Variants in EXD1 observed in about 807,000 individuals in gnomAD.
EXD1 encodes piRNA biogenesis protein EXD1.
EXD1 carries 63 observed loss-of-function variants against 49.1 expected under a neutral mutation model. The observed-to-expected ratio is 1.28, with a 90% CI of 1.05 to 1.58. The LOEUF (loss-of-function observed/expected upper bound fraction) is 1.58. Among genes scored for constraint, EXD1 ranks in the 40% most tolerant of loss-of-function variants. The probability of loss-of-function intolerance (pLI) is 0.00; values close to 1 mark genes in which losing one functional copy is unlikely to be tolerated. For synonymous variants in EXD1, 234 were observed against 239.2 expected (o/e 0.98, Z 0.20); for missense variants, 748 against 666.0 (o/e 1.12, Z -1.36).
At chr15:41,186,288 A>G (rs2046406605) in intron 11 of EXD1, among the ~76,000 whole-genome samples, 2 of 152,140 alleles carry the variant, frequency 1.3e-5, no homozygotes, top group African/African-American at 2.4e-5. Context: ...TCTGACCAAC[A>G]TGGCCAAACC....
In EXD1 at chr15:41,226,442, C is replaced by A. The variant is rs2140910073; in HGVS notation, c.133+1G>T. 3 of 1,535,870 alleles carry A rather than the reference C, an allele frequency of 2.0e-6. No individual in the cohort carries two copies. Among genetic ancestry groups the A allele is most frequent in the Non-Finnish European group, 2.6e-6 (3 of 1,146,794 alleles). ...GAACATTATAAGAAATAGAACAAGA[C>A]CTTTCTTCAGGACAACAATCTTATT... is the stretch of plus-strand genomic sequence containing the variant. On this transcript the variant is annotated splice_donor_variant, in intron 2 of 11. Coordinates refer to ENST00000458580, the MANE Select transcript of EXD1 (RefSeq NM_001286441.2). LOFTEE classifies it high-confidence loss of function.
chr15:41,215,730 A>G (rs745494355), intron 6 of EXD1, 45 bp downstream of exon 6: 9 of 1,550,970 alleles, frequency 5.8e-6, no homozygotes, highest in Admixed American at 1.7e-5. Flanking sequence ...CAGACATGAT[A>G]CCTACATACA....
At chr15:41,204,116 C>T (rs937243297) in intron 7 of EXD1, among the ~76,000 whole-genome samples, 4 of 150,280 alleles carry the variant, frequency 2.7e-5, no homozygotes, top group African/African-American at 9.8e-5. Flanking sequence ...GGCATGGTGG[C>T]ATGCACTTGT....
intron 2 of EXD1, 104 bp downstream of exon 2, chr15:41,226,339 C>A: frequency 5.4e-6 from 6 of 1,109,318 alleles, no homozygotes; most frequent in African/African-American, 3.1e-5. Context: ...CCACACTTTA[C>A]CTAAAATAGG....
chr15:41,202,233 G>A (rs920365517), intron 7 of EXD1, among the ~76,000 whole-genome samples: 1 of 151,686 alleles, frequency 6.6e-6, no homozygotes, highest in Non-Finnish European at 1.5e-5. Context: ...GGATTGCAGT[G>A]GCGTGATCTC....
intron 2 of EXD1, among the ~76,000 whole-genome samples, chr15:41,225,164 C>CT (rs2047142440): frequency 6.6e-6 from 1 of 152,176 alleles, no homozygotes; most frequent in Non-Finnish European, 1.5e-5. Flanking sequence ...TTGCACTGTT[C>CT]TTCAGCTGCC....
Sources: gnomAD v4.1 joint callset for allele counts (sites outside exome capture counted in the v4.1 genomes callset) on GRCh38, gnomAD v4.1.1 for gene constraint, MANE v1.5 for transcripts, NCBI Gene and HGNC (gene_info 2026-07-23, HGNC 2026-07-21) for gene names.